SELENOT: variants seen among roughly 807,000 people sequenced by gnomAD.
The protein encoded by SELENOT is selenoprotein T.
A neutral mutation model predicts 24.3 loss-of-function variants in SELENOT; 9 were observed. That is an observed-to-expected ratio of 0.37 (90% confidence interval 0.22 to 0.65). The LOEUF (loss-of-function observed/expected upper bound fraction) is 0.65, where lower values mean the gene tolerates loss of function less well. Ranked by LOEUF, SELENOT falls within the 30% of genes least tolerant of loss-of-function variation. The pLI is 0.60. For synonymous variants in SELENOT, 81 were observed against 86.0 expected (o/e 0.94, Z 0.32); for missense variants, 166 against 247.6 (o/e 0.67, Z 2.21).
In SELENOT at chr3:150,617,276, A is replaced by G. The variant is rs6803936; in HGVS notation, c.138-5109A>G. On this transcript the variant is annotated intron_variant, in intron 1 of 5. Transcript: ENST00000471696. Reference sequence around the variant, plus strand: ...CTTAAATCTTTTCTCTTATTTAGTAATGATGGAAATGCTAAAAAAAAATTT... The same window carrying G: ...CTTAAATCTTTTCTCTTATTTAGTAGTGATGGAAATGCTAAAAAAAAATTT... Among the ~76,000 whole-genome samples the G allele has an allele frequency of 7.4e-3, 1,120 of 152,218 alleles. 16 individuals are homozygous for G. The highest frequency in any genetic ancestry group is 0.026 in the African/African-American group (1,061 of 41,528).
chr3:150,623,133 A>G lies in SELENOT; in HGVS notation c.339A>G (p.Gln113=). ...GKDPFAFFGM[Q]APSIWQWGQE... Reference sequence around the variant, plus strand: ...ATCCTTTTGCTTTCTTTGGCATGCAAGCTCCTAGCATCTGGCAGTGGGGCC... The same window carrying G: ...ATCCTTTTGCTTTCTTTGGCATGCAGGCTCCTAGCATCTGGCAGTGGGGCC... Residue 113 remains glutamine (Q), a synonymous_variant, in exon 3 of 6, where the codon CAA becomes CAG. Coordinates refer to ENST00000471696, the MANE Select transcript of SELENOT (RefSeq NM_016275.5). The G allele has an allele frequency of 1.2e-6, 2 of 1,606,106 alleles. No homozygotes were observed. Among genetic ancestry groups the G allele is most frequent in the Middle Eastern group, 1.9e-4 (1 of 5,370 alleles).
intron 1 of SELENOT, among the ~76,000 whole-genome samples, chr3:150,606,800 C>T (rs1370472061): frequency 6.6e-6 from 1 of 152,122 alleles, no homozygotes; most frequent in Non-Finnish European, 1.5e-5. Context: ...ACCATGTTGG[C>T]CAGGCTGATT....
intron 1 of SELENOT, among the ~76,000 whole-genome samples, chr3:150,607,555 C>G (rs1400754370): frequency 6.6e-6 from 1 of 152,164 alleles, no homozygotes; most frequent in Non-Finnish European, 1.5e-5. Context: ...AGACATTAAT[C>G]CATGGACTGA....
At chr3:150,611,004 C>CT (rs1553748599) in intron 1 of SELENOT, among the ~76,000 whole-genome samples, 1 of 145,396 alleles carries the variant, frequency 6.9e-6, no homozygotes, top group Non-Finnish European at 1.5e-5. Flanking sequence ...CATCATGAGT[C>CT]GTGTGTGTGT....
rs1475482780 is a variant in SELENOT at position 150,629,153 on chromosome 3, C to T, written c.*1524C>T. The T allele has an allele frequency of 6.6e-6, 1 of 152,142 alleles. No homozygotes were observed. The highest frequency in any genetic ancestry group is 1.5e-5 in the Non-Finnish European group (1 of 68,026). The allele number at this position is 152,142 out of a possible 1,614,324, so 9.4% of individuals were successfully genotyped here. ...TTTGTCATCGAATATTTGTTGAATG[C>T]ATGTCAGGTAATGGTCTTGATTGTG... On this transcript the variant is annotated 3_prime_UTR_variant, in exon 6 of 6. Transcript: ENST00000471696.
rs967216674 is a variant in SELENOT, at chr3:150,614,531, T to A, written c.138-7854T>A. The A allele has an allele frequency of 3.2e-5, 5 of 154,846 alleles. No homozygotes were observed. The East Asian group carries it at 9.6e-4, about 30-fold the overall frequency. 9.6% of individuals were successfully genotyped at this position (154,846 alleles called of 1,614,324 possible). ...TGTAGGTTTATCTAAGATTTTTATTTAGTGACAGAGCTAGAACTAGGATCC... is the reference window on the plus strand; with the variant it reads ...TGTAGGTTTATCTAAGATTTTTATTAAGTGACAGAGCTAGAACTAGGATCC... On this transcript the variant is annotated intron_variant, in intron 1 of 5. Transcript: ENST00000471696.
chr3:150,618,828 A>G (rs1726275049), intron 1 of SELENOT: 1 of 152,164 alleles, frequency 6.6e-6, no homozygotes, highest in African/African-American at 2.4e-5. Context: ...CCAGCCTATG[A>G]TAGACTTTAA....
At chr3:150,621,251 CACTT>C (rs1368087903) in intron 1 of SELENOT, among the ~76,000 whole-genome samples, 1 of 152,114 alleles carries the variant, frequency 6.6e-6, no homozygotes, top group East Asian at 1.9e-4. Context: ...GTGAATTTCT[CACTT>C]ACCGTTCCCT....
intron 1 of SELENOT, among the ~76,000 whole-genome samples, chr3:150,617,132 T>C (rs1173281022): frequency 6.6e-6 from 1 of 152,252 alleles, no homozygotes; most frequent in Non-Finnish European, 1.5e-5. Context: ...GTTGGAGGAC[T>C]GTTTTAAGAG....
intron 1 of SELENOT, among the ~76,000 whole-genome samples, chr3:150,619,137 C>T (rs997988874): frequency 6.7e-6 from 1 of 148,700 alleles, no homozygotes; most frequent in African/African-American, 2.5e-5. Context: ...AGGAGAATGG[C>T]GTGAACCCGG....
intron 1 of SELENOT, chr3:150,611,754 G>T: frequency 2.1e-6 from 3 of 1,399,946 alleles, no homozygotes; most frequent in Admixed American, 3.6e-5. Context: ...GCCCCCAGGG[G>T]CCCAGCCGCT....
chr3:150,610,959 ACT>A (rs568402682), intron 1 of SELENOT, among the ~76,000 whole-genome samples: 33 of 141,072 alleles, frequency 2.3e-4, no homozygotes, highest in African/African-American at 8.6e-4. Flanking sequence ...TGATTTCCTG[ACT>A]CTGTATTTAA....
At chr3:150,616,907 G>A (rs1028436907) in intron 1 of SELENOT, among the ~76,000 whole-genome samples, 1 of 152,226 alleles carries the variant, frequency 6.6e-6, no homozygotes, top group Non-Finnish European at 1.5e-5. Flanking sequence ...GCCTCCCAAA[G>A]TGCTGGGATT....
chr3:150,603,540 C>A, intron 1 of SELENOT, 41 bp downstream of exon 1: 1 of 1,541,114 alleles, frequency 6.5e-7, no homozygotes, highest in Non-Finnish European at 8.8e-7. Context: ...CGCCGCGCCT[C>A]TGCTCGGCGC....
rs1382063742 is a variant in SELENOT, at chr3:150,603,503, A to G, written c.137+4A>G. The G allele has an allele frequency of 3.7e-6, 6 of 1,602,730 alleles. No individual in the cohort carries two copies. Among genetic ancestry groups the G allele is most frequent in the Non-Finnish European group, 5.1e-6 (6 of 1,172,482 alleles). On this transcript the variant is annotated splice_donor_region_variant and intron_variant, in intron 1 of 5. Transcript: ENST00000471696. The stretch of plus-strand genomic sequence containing the variant: ...CGCTGCTCAAGTTCCAGATTTGGTG[A>G]GTATGTGCACTGGGCCCCGGCCACC...
At chr3:150,616,081 G>C (rs1726206020) in intron 1 of SELENOT, among the ~76,000 whole-genome samples, 1 of 150,796 alleles carries the variant, frequency 6.6e-6, no homozygotes, top group Non-Finnish European at 1.5e-5. Flanking sequence ...ACAAACCTGA[G>C]AAAAACAAGC....
chr3:150,609,131 T>C (rs1726030223), intron 1 of SELENOT, among the ~76,000 whole-genome samples: 1 of 152,338 alleles, frequency 6.6e-6, no homozygotes, highest in East Asian at 1.9e-4. Flanking sequence ...GTTATGGGTT[T>C]GTCAGAGATG....
chr3:150,628,881 C>T lies in SELENOT; in HGVS notation c.*1252C>T, dbSNP rs895790056. 6.6e-6 allele frequency: 1 copy of T among 152,120 alleles called. No individual in the cohort carries two copies. The highest frequency in any genetic ancestry group is 1.5e-5 in the Non-Finnish European group (1 of 68,010). The allele number at this position is 152,120 out of a possible 1,614,324, so 9.4% of individuals were successfully genotyped here. On this transcript the variant is annotated 3_prime_UTR_variant, in exon 6 of 6. Coordinates refer to ENST00000471696, the MANE Select transcript of SELENOT (RefSeq NM_016275.5). Reference sequence around the variant, plus strand: ...GTGATTTAGGAAAAGTTATAAGGTACAGGTTGAGTATCCCTTTTCCAAAAA... The same window carrying T: ...GTGATTTAGGAAAAGTTATAAGGTATAGGTTGAGTATCCCTTTTCCAAAAA...
intron 1 of SELENOT, among the ~76,000 whole-genome samples, chr3:150,612,381 C>A (rs544542849): frequency 6.6e-6 from 1 of 152,310 alleles, no homozygotes; most frequent in Non-Finnish European, 1.5e-5. Flanking sequence ...GTGTGAGCCA[C>A]CATGCCCGGC....
Sources: gnomAD v4.1 joint callset for allele counts (sites outside exome capture counted in the v4.1 genomes callset) on GRCh38, gnomAD v4.1.1 for gene constraint, MANE v1.5 for transcripts, NCBI Gene and HGNC (gene_info 2026-07-23, HGNC 2026-07-21) for gene names.